CAMKMT: variants seen among roughly 807,000 people sequenced by gnomAD.
CAMKMT encodes the protein CaM KMT.
Under a neutral mutation model 48.0 loss-of-function variants are expected in CAMKMT, and 53 were observed. That is an observed-to-expected ratio of 1.10 (90% CI 0.89 to 1.39). The LOEUF (loss-of-function observed/expected upper bound fraction) is 1.39. Ranked by LOEUF, CAMKMT falls within the 40% of genes most tolerant of loss-of-function variation. The pLI is 0.00. For synonymous variants in CAMKMT, 165 were observed against 152.3 expected, an observed-to-expected ratio of 1.08 and a Z score of -0.61; for missense variants, 428 against 402.7, an observed-to-expected ratio of 1.06 and a Z score of -0.54.
intron 3 of CAMKMT, among the ~76,000 whole-genome samples, chr2:44,508,941 CA>C (rs1326192757): frequency 6.6e-6 from 1 of 151,710 alleles, no homozygotes; most frequent in African/African-American, 2.4e-5. Context: ...ACTAAAAATA[CA>C]AAAATTAGCC....
intron 3 of CAMKMT, among the ~76,000 whole-genome samples, chr2:44,691,812 A>G (rs144421439): frequency 1.3e-5 from 2 of 152,156 alleles, no homozygotes; most frequent in Non-Finnish European, 2.9e-5. Flanking sequence ...CCTCTGCCTC[A>G]TAGTCCCTGG....
intron 3 of CAMKMT, chr2:44,456,934 G>C (rs1306452645): frequency 4.5e-6 from 1 of 220,038 alleles, no homozygotes; most frequent in African/African-American, 2.3e-5. Context: ...AAAATACTTA[G>C]TGAAGTACAG....
At chr2:44,426,069 T>C (rs1684261248) in intron 3 of CAMKMT, among the ~76,000 whole-genome samples, 1 of 152,234 alleles carries the variant, frequency 6.6e-6, no homozygotes, top group Non-Finnish European at 1.5e-5. Flanking sequence ...AATAGCTTTG[T>C]TCATGACTTA....
intron 3 of CAMKMT, among the ~76,000 whole-genome samples, chr2:44,413,973 C>T (rs1451373738): frequency 6.6e-6 from 1 of 152,152 alleles, no homozygotes; most frequent in Non-Finnish European, 1.5e-5. Flanking sequence ...AATATTTTAG[C>T]TTTCTAGACA....
In CAMKMT at chr2:44,564,176, CT is replaced by C. The variant is rs10599009; in HGVS notation, c.377-140090del. ...TTCAAAGCATACTAGTTGATCAGAACTTTTTTTTTTTTTTTTTGAGACGGAA... is the reference window on the plus strand; with the variant it reads ...TTCAAAGCATACTAGTTGATCAGAACTTTTTTTTTTTTTTTTGAGACGGAA... On this transcript the variant is annotated intron_variant, in intron 3 of 10. Coordinates refer to ENST00000378494, the MANE Select transcript of CAMKMT (RefSeq NM_024766.5). 4.2e-3 allele frequency among the ~76,000 whole-genome samples: 577 copies of C among 136,966 alleles called. 8 individuals carry two copies. The highest frequency in any genetic ancestry group is 0.029 in the East Asian group (135 of 4,720). 89.9% of individuals were successfully genotyped at this position (136,966 alleles called of 152,430 possible).
chr2:44,620,636 G>C (rs7593656), intron 3 of CAMKMT, among the ~76,000 whole-genome samples: 18,637 of 152,204 alleles, frequency 0.12, 1,313 homozygotes, highest in Admixed American at 0.22. Flanking sequence ...AGGCATCATA[G>C]ATGACTTGAA....
intron 8 of CAMKMT, among the ~76,000 whole-genome samples, chr2:44,747,953 G>A (rs184582093): frequency 1.3e-5 from 2 of 152,278 alleles, no homozygotes; most frequent in Admixed American, 1.3e-4. Context: ...AGTAACTGAA[G>A]TGAGAGTTAA....
intron 7 of CAMKMT, among the ~76,000 whole-genome samples, chr2:44,743,349 A>T (rs1306254149): frequency 6.6e-6 from 1 of 152,194 alleles, no homozygotes; most frequent in East Asian, 1.9e-4. Flanking sequence ...TACGGTAAAG[A>T]TAAGATATTT....
intron 1 of CAMKMT, among the ~76,000 whole-genome samples, chr2:44,371,993 C>A (rs1488948126): frequency 6.6e-6 from 1 of 152,202 alleles, no homozygotes; most frequent in Non-Finnish European, 1.5e-5. Context: ...TATGCTAAAA[C>A]ATACATACCT....
chr2:44,572,920 A>G (rs939083233), intron 3 of CAMKMT, among the ~76,000 whole-genome samples: 8 of 152,168 alleles, frequency 5.3e-5, no homozygotes, highest in East Asian at 1.9e-4. Flanking sequence ...AAGGGTTCCA[A>G]TTGTATCTCT....
At chr2:44,606,448 T>C (rs1373012056) in intron 3 of CAMKMT, among the ~76,000 whole-genome samples, 1 of 152,092 alleles carries the variant, frequency 6.6e-6, no homozygotes, top group Non-Finnish European at 1.5e-5. Flanking sequence ...GAGGCTGGAG[T>C]GATGGCATTC....
intron 7 of CAMKMT, among the ~76,000 whole-genome samples, chr2:44,730,347 C>G (rs144138175): frequency 5.9e-5 from 9 of 152,218 alleles, no homozygotes; most frequent in African/African-American, 2.2e-4. Flanking sequence ...AGTGATTACT[C>G]CTTTGGTAGT....
chr2:44,632,701 G>T (rs1238891833), intron 3 of CAMKMT, among the ~76,000 whole-genome samples: 2 of 152,166 alleles, frequency 1.3e-5, no homozygotes, highest in Non-Finnish European at 2.9e-5. Context: ...GAGTCAGTGG[G>T]CTGGGAAAGG....
At position 44,455,006 on chromosome 2, in the gene CAMKMT, G is replaced by A. The variant is rs1247326152; in HGVS notation, c.376+64701G>A. On this transcript the variant is annotated intron_variant, in intron 3 of 10. Transcript: ENST00000378494. The stretch of plus-strand genomic sequence containing the variant: ...CTTAATTTACCCATGGATAGAGGAC[G>A]TTGTATGAGGCAGAAGGGCATCATC... Among the ~76,000 whole-genome samples, 8 of 152,254 alleles carry A rather than the reference G, an allele frequency of 5.3e-5. No individual in the cohort carries two copies. The East Asian group carries it at 7.7e-4, about 15-fold the overall frequency.
rs1325993514 is a variant in CAMKMT at position 44,540,722 on chromosome 2, G to T, written c.376+150417G>T. ...GCTGTCATTGTGCCACTGCACTCCAGCCTGGGCAACACAGCAAGACCCTAT... is the reference window on the plus strand; with the variant it reads ...GCTGTCATTGTGCCACTGCACTCCATCCTGGGCAACACAGCAAGACCCTAT... On this transcript the variant is annotated intron_variant, in intron 3 of 10. Coordinates refer to ENST00000378494, the MANE Select transcript of CAMKMT (RefSeq NM_024766.5). Among the ~76,000 whole-genome samples, 5 of 152,210 alleles carry T rather than the reference G, an allele frequency of 3.3e-5. No individual in the cohort carries two copies. In the South Asian group the frequency reaches 1.0e-3, roughly 32 times the overall value.
rs546456676 is a variant in CAMKMT at position 44,618,435 on chromosome 2, A to G, written c.377-85848A>G. Among the ~76,000 whole-genome samples, 138 of 152,310 alleles carry G rather than the reference A, an allele frequency of 9.1e-4. No homozygotes were observed. The highest frequency in any genetic ancestry group is 3.3e-3 in the African/African-American group (137 of 41,570). ...AGCAGAACCAATTAGATTTTCAACC[A>G]GTAGACAAGAAGGGTGGCACTTGGG... On this transcript the variant is annotated intron_variant, in intron 3 of 10. Coordinates refer to ENST00000378494, the MANE Select transcript of CAMKMT (RefSeq NM_024766.5). This position sits in a 1 kb window ranked among gnomAD's most constrained non-coding sequence, Gnocchi z 4.0.
At chr2:44,612,011 A>G (rs1274397051) in intron 3 of CAMKMT, among the ~76,000 whole-genome samples, 2 of 152,170 alleles carry the variant, frequency 1.3e-5, no homozygotes, top group Admixed American at 6.5e-5. Context: ...GTGGATCTCA[A>G]CATGAGATTT....
intron 3 of CAMKMT, among the ~76,000 whole-genome samples, chr2:44,455,747 G>A (rs750845612): frequency 3.3e-5 from 5 of 151,940 alleles, no homozygotes; most frequent in African/African-American, 7.3e-5. Context: ...GATCACATGG[G>A]TTAAACATTT....
intron 3 of CAMKMT, among the ~76,000 whole-genome samples, chr2:44,481,267 A>C (rs1021617353): frequency 6.6e-6 from 1 of 152,118 alleles, no homozygotes; most frequent in African/African-American, 2.4e-5. Flanking sequence ...CTTATTTTTG[A>C]ACACTTGTAA....
Sources: gnomAD v4.1 joint callset for allele counts (sites outside exome capture counted in the v4.1 genomes callset) on GRCh38, gnomAD v4.1.1 for gene constraint, Gnocchi (gnomAD v3.1) non-coding constraint, MANE v1.5 for transcripts, NCBI Gene and HGNC (gene_info 2026-07-23, HGNC 2026-07-21) for gene names.